The following PLXDC2 variants were observed in gnomAD, a reference collection of about 807,000 sequenced individuals.
PLXDC2 encodes the protein plexin domain containing 2, also known as plexin domain-containing protein 2.
In PLXDC2, 40 loss-of-function variants were observed where a neutral mutation model predicts 68.9. That is an observed-to-expected ratio of 0.58 (90% CI 0.45 to 0.76). The LOEUF (loss-of-function observed/expected upper bound fraction) is 0.76. Among genes scored for constraint, PLXDC2 ranks in the 30% least tolerant of loss-of-function variants. The pLI is 0.00. For missense variants in PLXDC2, 644 were observed against 661.9 expected (o/e 0.97, Z 0.30); for synonymous variants, 243 against 234.2 (o/e 1.04, Z -0.34).
chr10:19,896,532 A>G (rs75566563), intron 1 of PLXDC2, among the ~76,000 whole-genome samples: 216 of 152,338 alleles, frequency 1.4e-3, no homozygotes, highest in Non-Finnish European at 2.6e-3. Flanking sequence ...ATAAGTCCTC[A>G]ATAAATGCTT....
At chr10:20,029,474 A>G (rs1835462493) in intron 2 of PLXDC2, among the ~76,000 whole-genome samples, 1 of 152,142 alleles carries the variant, frequency 6.6e-6, no homozygotes, top group Admixed American at 6.6e-5. Flanking sequence ...ATGTTTTCCC[A>G]TATATTTCTT....
At chr10:20,231,857 A>C (rs1231607311) in intron 12 of PLXDC2, among the ~76,000 whole-genome samples, 1 of 152,096 alleles carries the variant, frequency 6.6e-6, no homozygotes, top group Non-Finnish European at 1.5e-5. Context: ...CTCTACAAAA[A>C]AATTAAAAAA....
At chr10:20,094,445 T>C (rs886921865) in intron 4 of PLXDC2, among the ~76,000 whole-genome samples, 7 of 152,230 alleles carry the variant, frequency 4.6e-5, no homozygotes, top group Admixed American at 2.6e-4. Flanking sequence ...CAAGAGATTC[T>C]ATAGCATTTC....
intron 4 of PLXDC2, among the ~76,000 whole-genome samples, chr10:20,102,782 TATA>T (rs2131740833): frequency 6.6e-6 from 1 of 152,258 alleles, no homozygotes; most frequent in African/African-American, 2.4e-5. Flanking sequence ...GATCTTTGAG[TATA>T]ATGTCTAGAG....
chr10:20,165,078 C>T (rs1347535119), intron 7 of PLXDC2, among the ~76,000 whole-genome samples: 1 of 152,150 alleles, frequency 6.6e-6, no homozygotes, highest in Non-Finnish European at 1.5e-5. Flanking sequence ...CTGCCTCAGC[C>T]TCCCAAAGTG....
chr10:19,909,631 T>A (rs939790588), intron 1 of PLXDC2, among the ~76,000 whole-genome samples: 2 of 152,220 alleles, frequency 1.3e-5, no homozygotes, highest in East Asian at 3.8e-4. Flanking sequence ...CATTTATTAG[T>A]GAATGCTTTT....
intron 4 of PLXDC2, among the ~76,000 whole-genome samples, chr10:20,128,833 A>T (rs1267709270): frequency 2.0e-5 from 3 of 152,136 alleles, no homozygotes; most frequent in African/African-American, 4.8e-5. Context: ...TTAAAGGCTG[A>T]ATAGTATTCC....
At chr10:20,269,036 A>G (rs1835903940) in intron 13 of PLXDC2, among the ~76,000 whole-genome samples, 1 of 152,238 alleles carries the variant, frequency 6.6e-6, no homozygotes, top group Non-Finnish European at 1.5e-5. Context: ...GAATATTCTT[A>G]GCTGGTATCA....
intron 1 of PLXDC2, among the ~76,000 whole-genome samples, chr10:19,938,985 A>G (rs779114034): frequency 4.6e-5 from 7 of 152,188 alleles, no homozygotes; most frequent in Non-Finnish European, 1.0e-4. Flanking sequence ...GTGGGCATGA[A>G]AAAAAACTGA....
chr10:19,887,469 C>G (rs1245807259), intron 1 of PLXDC2, among the ~76,000 whole-genome samples: 2 of 152,148 alleles, frequency 1.3e-5, no homozygotes, highest in African/African-American at 4.8e-5. Flanking sequence ...TTGCAGTGAG[C>G]TGAGATCGCG....
chr10:20,153,859 A>G (rs903189295), intron 6 of PLXDC2, among the ~76,000 whole-genome samples: 2 of 152,194 alleles, frequency 1.3e-5, no homozygotes, highest in African/African-American at 4.8e-5. Context: ...TTTCTTTTCA[A>G]TAAGTGACTG....
intron 4 of PLXDC2, among the ~76,000 whole-genome samples, chr10:20,140,156 C>T (rs570871393): frequency 1.6e-3 from 237 of 151,928 alleles, no homozygotes; most frequent in Non-Finnish European, 2.8e-3. Context: ...AAAAATTAGC[C>T]GGGCGTGGTG....
At chr10:20,146,739 C>A (rs1429550008) in intron 5 of PLXDC2, among the ~76,000 whole-genome samples, 1 of 151,964 alleles carries the variant, frequency 6.6e-6, no homozygotes, top group Non-Finnish European at 1.5e-5. Flanking sequence ...ATTGGGTGTT[C>A]AAAATATTTG....
In PLXDC2 at chr10:20,143,398, T is replaced by G. The variant is rs766168513; in HGVS notation, c.645T>G (p.Thr215=). 47 of 1,613,112 alleles carry G rather than the reference T, an allele frequency of 2.9e-5. 1 individual carries two copies. The South Asian group carries it at 3.7e-4, about 13-fold the overall frequency. ...ATCCCAGTGTATCCAGAAATTCAAC[T>G]GTCAGATATTTTGATAATGGTATGT... The part of the protein sequence containing the change: ...NFDPSVSRNS[T]VRYFDNGTAL... The change falls in exon 5 of 14, where the codon ACT becomes ACG. Residue 215 remains threonine, a synonymous_variant. Coordinates refer to ENST00000377252, the MANE Select transcript of PLXDC2 (RefSeq NM_032812.9).
At chr10:20,153,770 G>A (rs1312735575) in intron 6 of PLXDC2, among the ~76,000 whole-genome samples, 1 of 152,062 alleles carries the variant, frequency 6.6e-6, no homozygotes, top group African/African-American at 2.4e-5. Flanking sequence ...CCAAAGATAT[G>A]GAACAAAGAT....
chr10:19,928,031 G>GAGAAGATGCAATATTGGGTTTTC (rs1833567681), intron 1 of PLXDC2, among the ~76,000 whole-genome samples: 2 of 152,136 alleles, frequency 1.3e-5, no homozygotes, highest in South Asian at 4.1e-4. Flanking sequence ...TCCCATTTAT[G>GAGAAGATGCAATATTGGGTTTTC]AGAAGATGCA....
In PLXDC2 at chr10:19,817,084, C is replaced by T; in HGVS notation, c.5C>T (p.Ala2Val). M[A>V]RFPKADLAAA... ...TAGGGAGGTGGCGGCGGCGGCATGG[C>T]GAGGTTCCCGAAGGCCGACCTGGCC... is the stretch of plus-strand genomic sequence containing the variant. Residue 2 changes from alanine to valine, a missense_variant, in exon 1 of 14, where the codon GCG becomes GTG. Physicochemically the swap from Ala to Val is moderately conservative, Grantham distance 64. This residue lies in a region of PLXDC2 where 201 missense variants were observed against 166.9 expected (regional missense o/e 1.20). Coordinates refer to ENST00000377252, the MANE Select transcript of PLXDC2 (RefSeq NM_032812.9). 3 of 1,549,722 alleles carry T rather than the reference C, an allele frequency of 1.9e-6. No homozygotes were observed. Among genetic ancestry groups the T allele is most frequent in the East Asian group, 2.4e-5 (1 of 40,960 alleles).
At chr10:19,934,204 T>G (rs1274215009) in intron 1 of PLXDC2, among the ~76,000 whole-genome samples, 1 of 152,230 alleles carries the variant, frequency 6.6e-6, no homozygotes, top group Non-Finnish European at 1.5e-5. Context: ...CCTAAAGTTA[T>G]TTAGAATCTG....
intron 1 of PLXDC2, among the ~76,000 whole-genome samples, chr10:19,931,162 A>G (rs1293677883): frequency 6.6e-6 from 1 of 152,248 alleles, no homozygotes; most frequent in Admixed American, 6.5e-5. Context: ...GTACAAATGC[A>G]TGGCAGGAAA....
Sources: gnomAD v4.1 joint callset for allele counts (sites outside exome capture counted in the v4.1 genomes callset) on GRCh38, gnomAD v4.1.1 for gene constraint, gnomAD v4.1.1 regional missense constraint, MANE v1.5 for transcripts, NCBI Gene and HGNC (gene_info 2026-07-23, HGNC 2026-07-21) for gene names.